The following RBFOX1 variants were observed in gnomAD, a reference collection of about 807,000 sequenced individuals.
RBFOX1 encodes RNA binding fox-1 homolog 1, also known as RNA binding protein fox-1 homolog 1.
In RBFOX1, 8 loss-of-function variants were observed where a neutral mutation model predicts 57.7. The observed-to-expected ratio is 0.14, with a 90% confidence interval of 0.08 to 0.25. The LOEUF (loss-of-function observed/expected upper bound fraction) is 0.25, where lower values mean the gene tolerates loss of function less well. Among genes scored for constraint, RBFOX1 ranks in the 10% least tolerant of loss-of-function variants. RBFOX1 has a pLI of 1.00. For missense variants in RBFOX1, 611 were observed against 548.5 expected (o/e 1.11, Z -1.14); for synonymous variants, 326 against 222.4 (o/e 1.47, Z -4.15).
chr16:6,575,622 C>G (rs1030176937), intron 2 of RBFOX1, among the ~76,000 whole-genome samples: 5 of 152,046 alleles, frequency 3.3e-5, no homozygotes, highest in Non-Finnish European at 5.9e-5. Flanking sequence ...CTTTGGGAGG[C>G]CACGGTGGGC....
At chr16:5,723,329 CT>C (rs1437199307) in intron 3 of RBFOX1, among the ~76,000 whole-genome samples, 11 of 152,184 alleles carry the variant, frequency 7.2e-5, no homozygotes, top group Admixed American at 1.3e-4. Flanking sequence ...CATCTCAGGT[CT>C]GATTTTGAGA....
At chr16:7,246,312 C>T (rs541839371) in intron 4 of RBFOX1, among the ~76,000 whole-genome samples, 70 of 152,286 alleles carry the variant, frequency 4.6e-4, no homozygotes, top group African/African-American at 1.6e-3. Context: ...GCAGCACCCT[C>T]CCTGGATTCC....
intron 4 of RBFOX1, among the ~76,000 whole-genome samples, chr16:7,085,583 G>A (rs780406441): frequency 2.6e-5 from 4 of 152,036 alleles, no homozygotes; most frequent in Non-Finnish European, 5.9e-5. Flanking sequence ...ATCAATGAAT[G>A]AACATATGCC....
chr16:5,856,271 AT>A, intron 3 of RBFOX1, among the ~76,000 whole-genome samples: 1 of 37,488 alleles, frequency 2.7e-5, no homozygotes, highest in Non-Finnish European at 5.3e-5. Context: ...GTATATATAT[AT>A]ACACATATAT....
chr16:6,100,320 G>C (rs1302862991), intron 1 of RBFOX1, among the ~76,000 whole-genome samples: 2 of 152,098 alleles, frequency 1.3e-5, no homozygotes, highest in Admixed American at 6.5e-5. Context: ...CCGCCATTAC[G>C]CCTGGCTAAT....
chr16:6,953,421 T>G (rs1399310283), intron 3 of RBFOX1, among the ~76,000 whole-genome samples: 1 of 152,102 alleles, frequency 6.6e-6, no homozygotes, highest in East Asian at 1.9e-4. Context: ...GAGTCTTGCT[T>G]TGTCGCCAAT....
chr16:7,028,673 G>A (rs1357365599), intron 3 of RBFOX1, among the ~76,000 whole-genome samples: 1 of 144,222 alleles, frequency 6.9e-6, no homozygotes, highest in Non-Finnish European at 1.5e-5. Context: ...TTTGTGAAAT[G>A]TTCCCAAAGG....
In RBFOX1 at chr16:6,749,566, C is replaced by A. The variant is rs143608005; in HGVS notation, c.-16+94916C>A. Among the ~76,000 whole-genome samples, 36 of 152,250 alleles carry A rather than the reference C, an allele frequency of 2.4e-4. 1 individual carries two copies. The highest frequency in any genetic ancestry group is 8.4e-4 in the African/African-American group (35 of 41,558). The stretch of plus-strand genomic sequence containing the variant: ...CTTCATATCCAGCAGGCAGCCATGC[C>A]GATTTCAAAGCTCCTTCTCTTTTCA... On this transcript the variant is annotated intron_variant, in intron 3 of 15. Coordinates refer to ENST00000550418, the MANE Select transcript of RBFOX1 (RefSeq NM_018723.4).
intron 2 of RBFOX1, among the ~76,000 whole-genome samples, chr16:6,460,261 T>A (rs2094885371): frequency 6.6e-6 from 1 of 152,062 alleles, no homozygotes; most frequent in Non-Finnish European, 1.5e-5. Flanking sequence ...TTTTTCCCTG[T>A]GTGTGTGACT....
Position 7,239,713 on chromosome 16 carries a change from G to T in RBFOX1, c.27+187615G>T, listed in dbSNP as rs571096574. Among the ~76,000 whole-genome samples the T allele has an allele frequency of 4.6e-5, 7 of 152,278 alleles. 1 individual carries two copies. In the South Asian group the frequency reaches 1.5e-3, roughly 32 times the overall value. On this transcript the variant is annotated intron_variant, in intron 4 of 15. Coordinates refer to ENST00000550418, the MANE Select transcript of RBFOX1 (RefSeq NM_018723.4). ...CTCTTCTGGGTCTTTGATCTAGGCA[G>T]TTAGCTGGTTAGAATTTGCTGATGT... is the stretch of plus-strand genomic sequence containing the variant.
chr16:7,478,921 A>G (rs906534791), intron 4 of RBFOX1, among the ~76,000 whole-genome samples: 1 of 152,016 alleles, frequency 6.6e-6, no homozygotes, highest in Non-Finnish European at 1.5e-5. Flanking sequence ...AGTAAAGGGG[A>G]GAGTACCATC....
At chr16:7,604,760 C>G (rs912824228) in intron 9 of RBFOX1, among the ~76,000 whole-genome samples, 1 of 152,150 alleles carries the variant, frequency 6.6e-6, no homozygotes, top group Non-Finnish European at 1.5e-5. Context: ...AATTTATAAT[C>G]TTTAAGAGCT....
chr16:5,440,428 A>G (rs1466112970), intron 1 of RBFOX1, among the ~76,000 whole-genome samples: 3 of 152,238 alleles, frequency 2.0e-5, no homozygotes, highest in South Asian at 2.1e-4. Context: ...TTGGTTGAAA[A>G]AAAATTTCCA....
At chr16:5,758,945 G>T (rs1315147302) in intron 3 of RBFOX1, among the ~76,000 whole-genome samples, 1 of 152,172 alleles carries the variant, frequency 6.6e-6, no homozygotes, top group African/African-American at 2.4e-5. Context: ...ATAGTTAGTG[G>T]GTTGTGAGAG....
At chr16:7,234,100 T>G (rs1022022550) in intron 4 of RBFOX1, among the ~76,000 whole-genome samples, 4 of 152,188 alleles carry the variant, frequency 2.6e-5, no homozygotes, top group Non-Finnish European at 4.4e-5. Flanking sequence ...TGGTCAATTT[T>G]CATTGCATTC....
chr16:5,668,154 G>A (rs2049905905), intron 3 of RBFOX1, among the ~76,000 whole-genome samples: 1 of 152,112 alleles, frequency 6.6e-6, no homozygotes, highest in Admixed American at 6.5e-5. Context: ...GGTGGCATGT[G>A]CCCATAGTCC....
chr16:6,450,824 T>TATATATGTATATATATATATACAC (rs2094593290), intron 2 of RBFOX1, among the ~76,000 whole-genome samples: 3 of 33,240 alleles, frequency 9.0e-5, no homozygotes, highest in African/African-American at 4.7e-4. Context: ...TATACATATA[T>TATATATGTATATATATATATACAC]ATATATATAT....
intron 3 of RBFOX1, among the ~76,000 whole-genome samples, chr16:6,867,226 G>GA (rs376917935): frequency 1.1e-4 from 17 of 150,686 alleles, no homozygotes; most frequent in South Asian, 2.1e-4. Context: ...TTCTGTAGGG[G>GA]AAAAAAAAAT....
At chr16:7,078,938 G>T (rs2058735014) in intron 4 of RBFOX1, among the ~76,000 whole-genome samples, 2 of 124,370 alleles carry the variant, frequency 1.6e-5, no homozygotes, top group East Asian at 2.6e-4. Context: ...TTGAGCTCCT[G>T]ACCTCGTGAT....
Sources: gnomAD v4.1 joint callset for allele counts (sites outside exome capture counted in the v4.1 genomes callset) on GRCh38, gnomAD v4.1.1 for gene constraint, MANE v1.5 for transcripts, NCBI Gene and HGNC (gene_info 2026-07-23, HGNC 2026-07-21) for gene names.